The following SLC26A4 variants were observed in gnomAD, a reference collection of about 807,000 sequenced individuals.
The protein encoded by SLC26A4 is pendrin.
A neutral mutation model predicts 90.4 loss-of-function variants in SLC26A4; 93 were observed. That is an observed-to-expected ratio of 1.03 (90% CI 0.87 to 1.22). The LOEUF (loss-of-function observed/expected upper bound fraction) is 1.22. Ranked by LOEUF, SLC26A4 falls within the 50% of genes most tolerant of loss-of-function variation. The pLI, the probability that SLC26A4 is intolerant of heterozygous loss-of-function variation, is 0.00. For missense variants in SLC26A4, 1,127 were observed against 946.2 expected (o/e 1.19, Z -2.51); for synonymous variants, 393 against 354.6 (o/e 1.11, Z -1.22).
rs558026215 is a variant in SLC26A4, at chr7:107,682,697, C to A, written c.766-505C>A. On this transcript the variant is annotated intron_variant, in intron 6 of 20. Coordinates refer to ENST00000644269, the MANE Select transcript of SLC26A4 (RefSeq NM_000441.2). ...ACACACATACACACATATACACACA[C>A]AAAAAAAACAACCAACTGATCAACT... 5.9e-5 allele frequency among the ~76,000 whole-genome samples: 9 copies of A among 151,374 alleles called. No homozygotes were observed. In the South Asian group the frequency reaches 6.2e-4, roughly 11 times the overall value.
chr7:107,691,133 A>ACATG (rs1791557984), intron 10 of SLC26A4, among the ~76,000 whole-genome samples: 1 of 151,536 alleles, frequency 6.6e-6, no homozygotes, highest in Non-Finnish European at 1.5e-5. Context: ...ACACACACAC[A>ACATG]CACACACACA....
At chr7:107,665,460 C>T (rs1271824853) in intron 3 of SLC26A4, among the ~76,000 whole-genome samples, 1 of 152,166 alleles carries the variant, frequency 6.6e-6, no homozygotes, top group African/African-American at 2.4e-5. Flanking sequence ...AGGGCTGTGA[C>T]ATGGTGACAC....
intron 19 of SLC26A4, among the ~76,000 whole-genome samples, chr7:107,710,424 C>A (rs1792150602): frequency 6.6e-6 from 1 of 151,974 alleles, no homozygotes; most frequent in African/African-American, 2.4e-5. Flanking sequence ...CTGGTAGTAC[C>A]CAGTACTGAA....
intron 4 of SLC26A4, 71 bp from the exon 5 acceptor site, chr7:107,674,093 A>T: frequency 1.4e-6 from 2 of 1,422,412 alleles, no homozygotes; most frequent in South Asian, 1.1e-5. Flanking sequence ...TACATTTTTT[A>T]AACCCTATGC....
At chr7:107,667,315 A>G (rs1350537673) in intron 3 of SLC26A4, among the ~76,000 whole-genome samples, 1 of 152,052 alleles carries the variant, frequency 6.6e-6, no homozygotes, top group Non-Finnish European at 1.5e-5. Flanking sequence ...AAGAAAGGGC[A>G]GGTGTAGAAG....
At position 107,701,095 on chromosome 7, in the gene SLC26A4, C is replaced by T. The variant is rs2129318089; in HGVS notation, c.1708-6C>T. 1 of 1,570,938 alleles carries T rather than the reference C, an allele frequency of 6.4e-7. No individual in the cohort carries two copies. The highest frequency in any genetic ancestry group is 8.8e-7 in the Non-Finnish European group (1 of 1,140,754). On this transcript the variant is annotated splice_region_variant and splice_polypyrimidine_tract_variant and intron_variant, in intron 15 of 20. Coordinates refer to ENST00000644269, the MANE Select transcript of SLC26A4 (RefSeq NM_000441.2). ...ATTTTAAGTAACTTGACATTTATTT[C>T]CAAAGGTTGGATTTGATGCCATTAG...
At chr7:107,663,557 C>A (rs1052494066) in intron 3 of SLC26A4, 122 bp downstream of exon 3, 2 of 1,080,434 alleles carry the variant, frequency 1.9e-6, no homozygotes, top group Non-Finnish European at 2.8e-6. Context: ...TCCTGTAGAG[C>A]CCCTTAGTGG....
chr7:107,662,178 T>C, intron 2 of SLC26A4: 2 of 258,994 alleles, frequency 7.7e-6, no homozygotes, highest in Non-Finnish European at 1.5e-5. Context: ...ACCCAGCTCT[T>C]GACCAGGAGG....
chr7:107,683,602 T>G, intron 8 of SLC26A4, 65 bp downstream of exon 8: 1 of 1,267,236 alleles, frequency 7.9e-7, no homozygotes, highest in Non-Finnish European at 1.1e-6. Context: ...TTTATTTAAA[T>G]AAAACCTTTT....
chr7:107,676,676 C>A (rs987385541), intron 6 of SLC26A4, among the ~76,000 whole-genome samples: 3 of 152,114 alleles, frequency 2.0e-5, no homozygotes, highest in African/African-American at 7.2e-5. Flanking sequence ...AAAGACCCAC[C>A]TATTAGCTTC....
At chr7:107,683,138 G>A in intron 6 of SLC26A4, 64 bp from the exon 7 acceptor site, 1 of 1,168,082 alleles carries the variant, frequency 8.6e-7, no homozygotes, top group Non-Finnish European at 1.3e-6. Context: ...GTGTGTGTGT[G>A]CGTGTGTGTG....
intron 6 of SLC26A4, among the ~76,000 whole-genome samples, chr7:107,681,547 T>C (rs1791229875): frequency 6.6e-6 from 1 of 150,560 alleles, no homozygotes; most frequent in African/African-American, 2.4e-5. Flanking sequence ...CTATAAAATA[T>C]GTCTATAAAA....
intron 18 of SLC26A4, among the ~76,000 whole-genome samples, chr7:107,709,835 A>C (rs1792131409): frequency 6.6e-6 from 1 of 152,094 alleles, no homozygotes; most frequent in African/African-American, 2.4e-5. Flanking sequence ...GATGCTTTAA[A>C]ATTTCTTTTC....
rs750924065 is a variant in SLC26A4 at position 107,683,552 on chromosome 7, C to T, written c.1001+15C>T. On this transcript the variant is annotated intron_variant, in intron 8 of 20. Coordinates refer to ENST00000644269, the MANE Select transcript of SLC26A4 (RefSeq NM_000441.2). ...ATCCCAAGGGGGTGAGTGTGGTGTT[C>T]CTCTTAGTACTAATACATTAAGTCA... 1.9e-5 allele frequency: 31 copies of T among 1,594,202 alleles called. No homozygotes were observed. The highest frequency in any genetic ancestry group is 2.4e-5 in the Non-Finnish European group (28 of 1,162,480).
At chr7:107,667,338 G>C (rs1007274129) in intron 3 of SLC26A4, among the ~76,000 whole-genome samples, 1 of 151,850 alleles carries the variant, frequency 6.6e-6, no homozygotes, top group Non-Finnish European at 1.5e-5. Flanking sequence ...AAGAGAGCCA[G>C]AGTACTTAGA....
At chr7:107,691,488 G>T (rs1278312182) in intron 10 of SLC26A4, among the ~76,000 whole-genome samples, 1 of 143,566 alleles carries the variant, frequency 7.0e-6, no homozygotes, top group Non-Finnish European at 1.5e-5. Flanking sequence ...GGCGACAAGA[G>T]CTAGACTCTG....
intron 13 of SLC26A4, among the ~76,000 whole-genome samples, chr7:107,697,029 A>C (rs1791761779): frequency 6.6e-6 from 1 of 152,134 alleles, no homozygotes; most frequent in African/African-American, 2.4e-5. Context: ...CCTACCCAAA[A>C]GGCTTGTGTT....
intron 6 of SLC26A4, among the ~76,000 whole-genome samples, chr7:107,676,912 G>A (rs1282841148): frequency 6.6e-6 from 1 of 152,188 alleles, no homozygotes; most frequent in Admixed American, 6.5e-5. Context: ...GGTGGCTCAT[G>A]CCTGTAATCC....
At chr7:107,704,442 T>C in intron 18 of SLC26A4, 57 bp downstream of exon 18, 1 of 774,488 alleles carries the variant, frequency 1.3e-6, no homozygotes, top group Admixed American at 1.9e-5. Flanking sequence ...CCCTTTCTCC[T>C]ATCTGGGACT....
Sources: gnomAD v4.1 joint callset for allele counts (sites outside exome capture counted in the v4.1 genomes callset) on GRCh38, gnomAD v4.1.1 for gene constraint, MANE v1.5 for transcripts, NCBI Gene and HGNC (gene_info 2026-07-23, HGNC 2026-07-21) for gene names.